Variants in STPG2 observed in about 807,000 individuals in gnomAD.
The protein encoded by STPG2 is sperm tail PG-rich repeat containing 2, also known as sperm-tail PG-rich repeat-containing protein 2.
In STPG2, 56 loss-of-function variants were observed where a neutral mutation model predicts 54.2. The ratio of observed to expected loss-of-function variants is 1.03; its 90% CI spans 0.83 to 1.29. The LOEUF (loss-of-function observed/expected upper bound fraction) is 1.29. Ranked by LOEUF, STPG2 falls within the 50% of genes most tolerant of loss-of-function variation. STPG2 has a pLI of 0.00. For synonymous variants in STPG2, 200 were observed against 181.8 expected, an observed-to-expected ratio of 1.10 and a Z score of -0.81; for missense variants, 596 against 544.9, an observed-to-expected ratio of 1.09 and a Z score of -0.93.
At chr4:97,517,603 A>AT (rs11390767) in intron 4 of STPG2, among the ~76,000 whole-genome samples, 79,027 of 151,762 alleles carry the variant, frequency 0.52, 20,858 homozygotes, top group South Asian at 0.66. Flanking sequence ...CTTAGTGTCA[A>AT]TTTTTTTCAG....
At chr4:97,823,762 C>T (rs1008599954) in intron 9 of STPG2, among the ~76,000 whole-genome samples, 5 of 152,096 alleles carry the variant, frequency 3.3e-5, no homozygotes, top group Non-Finnish European at 7.4e-5. Flanking sequence ...TGGCTAACTC[C>T]GGGTAAGTGG....
At chr4:97,535,244 CT>C (rs752878837) in intron 4 of STPG2, among the ~76,000 whole-genome samples, 1 of 152,188 alleles carries the variant, frequency 6.6e-6, no homozygotes, top group Non-Finnish European at 1.5e-5. Context: ...TAAATTCCCA[CT>C]AAAAATTTAT....
intron 9 of STPG2, among the ~76,000 whole-genome samples, chr4:97,777,589 G>T (rs1255408279): frequency 6.6e-6 from 1 of 152,128 alleles, no homozygotes. Flanking sequence ...CAAAATCAAT[G>T]AAAAACTTTC....
At chr4:97,669,558 AGGCCG>A (rs1722636167) in intron 10 of STPG2, among the ~76,000 whole-genome samples, 1 of 95,716 alleles carries the variant, frequency 1.0e-5, no homozygotes, top group East Asian at 2.7e-4. Context: ...GCACTTTGGG[AGGCCG>A]AGGCGGGTGG....
chr4:97,467,766 G>A (rs1729824021), intron 4 of STPG2, among the ~76,000 whole-genome samples: 1 of 150,998 alleles, frequency 6.6e-6, no homozygotes, highest in South Asian at 2.1e-4. Flanking sequence ...AGAGAGCAAG[G>A]AACACTACCA....
chr4:98,011,230 G>A (rs1735738735), intron 5 of STPG2, among the ~76,000 whole-genome samples: 1 of 152,040 alleles, frequency 6.6e-6, no homozygotes, highest in Non-Finnish European at 1.5e-5. Context: ...CTGTTCCTGT[G>A]TTAGTTTAAT....
intron 4 of STPG2, among the ~76,000 whole-genome samples, chr4:98,107,468 G>A (rs1216245967): frequency 1.8e-5 from 1 of 55,992 alleles, no homozygotes; most frequent in African/African-American, 8.1e-5. Context: ...ATTTCTTCAG[G>A]TTAAAACACA....
intron 8 of STPG2, among the ~76,000 whole-genome samples, chr4:97,887,951 A>G (rs551260690): frequency 6.6e-6 from 1 of 152,326 alleles, no homozygotes; most frequent in South Asian, 2.1e-4. Context: ...GTGTTCAGGT[A>G]CAGCTCAGGC....
chr4:97,471,058 C>A (rs1473783174), intron 4 of STPG2, among the ~76,000 whole-genome samples: 2 of 152,090 alleles, frequency 1.3e-5, no homozygotes, highest in Non-Finnish European at 2.9e-5. Flanking sequence ...GCTAGATACA[C>A]TGGACAAAGG....
intron 5 of STPG2, among the ~76,000 whole-genome samples, chr4:98,000,456 C>G (rs528432711): frequency 7.5e-6 from 1 of 133,046 alleles, no homozygotes; most frequent in African/African-American, 3.0e-5. Flanking sequence ...ACAGTTAACT[C>G]TTTAAGTGAT....
chr4:97,714,549 G>C (rs185276743), intron 9 of STPG2, among the ~76,000 whole-genome samples: 24 of 152,256 alleles, frequency 1.6e-4, no homozygotes, highest in Admixed American at 3.9e-4. Context: ...GATATACCAA[G>C]TGATAAGGAA....
At chr4:97,611,322 A>G (rs1692517027) in intron 10 of STPG2, among the ~76,000 whole-genome samples, 1 of 151,810 alleles carries the variant, frequency 6.6e-6, no homozygotes, top group African/African-American at 2.4e-5. Flanking sequence ...CAGAGCACAG[A>G]AAACAAAACA....
At chr4:97,696,694 T>A (rs1578487928) in intron 10 of STPG2, among the ~76,000 whole-genome samples, 1 of 151,550 alleles carries the variant, frequency 6.6e-6, no homozygotes, top group Admixed American at 6.6e-5. Flanking sequence ...AAGAAAACAA[T>A]CCCATCAAAA....
At chr4:97,928,045 T>A (rs200016582) in intron 8 of STPG2, among the ~76,000 whole-genome samples, 1 of 152,166 alleles carries the variant, frequency 6.6e-6, no homozygotes, top group South Asian at 2.1e-4. Context: ...TTCCTTTCAA[T>A]CCTCTGGTAA....
intron 8 of STPG2, among the ~76,000 whole-genome samples, chr4:97,855,436 T>C (rs1285747155): frequency 6.6e-6 from 1 of 152,176 alleles, no homozygotes; most frequent in East Asian, 1.9e-4. Flanking sequence ...GGTTCAGCTT[T>C]TTTTCTTGTG....
intron 8 of STPG2, among the ~76,000 whole-genome samples, chr4:97,863,786 G>A (rs1488572065): frequency 2.0e-5 from 3 of 152,136 alleles, no homozygotes; most frequent in African/African-American, 2.4e-5. Context: ...ATGCAAGGCT[G>A]GTTCAACATA....
At chr4:97,700,103 T>C (rs1384637409) in intron 10 of STPG2, among the ~76,000 whole-genome samples, 2 of 152,212 alleles carry the variant, frequency 1.3e-5, no homozygotes, top group Admixed American at 1.3e-4. Flanking sequence ...AGGAGAGTAG[T>C]TATCCACAGA....
intron 9 of STPG2, among the ~76,000 whole-genome samples, chr4:97,775,364 C>A (rs946236277): frequency 2.6e-5 from 4 of 152,086 alleles, no homozygotes; most frequent in East Asian, 3.9e-4. Context: ...GTTAACTTGT[C>A]ATTTACATTA....
chr4:97,745,232 A>G (rs778558958), intron 9 of STPG2, among the ~76,000 whole-genome samples: 57 of 137,252 alleles, frequency 4.2e-4, no homozygotes, highest in Non-Finnish European at 3.0e-4. Context: ...TTCAGAAACC[A>G]TGGCATAAAA....
Sources: allele counts gnomAD v4.1 joint callset (sites outside exome capture counted in the v4.1 genomes callset), GRCh38; gene constraint gnomAD v4.1.1; transcripts MANE v1.5; gene names NCBI Gene and HGNC (gene_info 2026-07-23, HGNC 2026-07-21).